Variants in SAMD3 observed in about 807,000 individuals in gnomAD.
The protein encoded by SAMD3 is sterile alpha motif domain containing 3.
Under a neutral mutation model 58.5 loss-of-function variants are expected in SAMD3, and 63 were observed. The observed-to-expected ratio is 1.08, with a 90% confidence interval of 0.88 to 1.33. SAMD3 has a LOEUF of 1.33. SAMD3 is among the 40% of genes most tolerant of loss of function. The pLI, the probability that SAMD3 is intolerant of heterozygous loss-of-function variation, is 0.00. For missense variants in SAMD3, 604 were observed against 608.4 expected, an observed-to-expected ratio of 0.99 and a Z score of 0.08; for synonymous variants, 220 against 210.3, an observed-to-expected ratio of 1.05 and a Z score of -0.40.
Position 130,145,389 on chromosome 6 carries a change from G to T in SAMD3, c.1229C>A (p.Pro410Gln), listed in dbSNP as rs1204644071. 1.2e-6 allele frequency: 2 copies of T among 1,611,496 alleles called. No individual in the cohort carries two copies. Among genetic ancestry groups the T allele is most frequent in the South Asian group, 2.2e-5 (2 of 90,742 alleles). Residue 410 changes from proline (P) to glutamine (Q), a missense_variant, in exon 11 of 12, where the codon CCA becomes CAA. Coordinates refer to ENST00000439090, the MANE Select transcript of SAMD3 (RefSeq NM_001017373.4). ...GCTGGGATCATCCCCAAAAACATCT[G>T]GGAGGAGTAAACATGTGGCTGTCAT... ...MKMTATCLLL[P>Q]DVFGDDPSLF...
intron 1 of SAMD3, among the ~76,000 whole-genome samples, chr6:130,336,057 T>C (rs2115017950): frequency 6.6e-6 from 1 of 152,228 alleles, no homozygotes; most frequent in Non-Finnish European, 1.5e-5. Flanking sequence ...GAGATATACC[T>C]AAAGCTAAAT....
chr6:130,183,536 G>A (rs1222190234), intron 7 of SAMD3: 1 of 391,956 alleles, frequency 2.6e-6, no homozygotes, highest in Non-Finnish European at 4.9e-6. Flanking sequence ...GTGCAGCCAT[G>A]TCTTTCTCTT....
chr6:130,215,465 ACACT>A lies in SAMD3; in HGVS notation c.-21-175_-21-172del. 5.3e-6 allele frequency: 7 copies of A among 1,319,046 alleles called. No individual in the cohort carries two copies. The South Asian group carries it at 1.7e-4, about 32-fold the overall frequency. 81.7% of individuals were successfully genotyped at this position (1,319,046 alleles called of 1,614,324 possible). A position where few individuals can be genotyped will look rare whatever the true frequency, so the allele number is the denominator to read the frequency against. On this transcript the variant is annotated intron_variant, in intron 2 of 11. Coordinates refer to ENST00000439090, the MANE Select transcript of SAMD3 (RefSeq NM_001017373.4). Reference sequence around the variant, plus strand: ...CATTTAAAAATTGCTAACAAAACACACACTCACTTTAAAAATAAGACCTGATTTA... The same window carrying A: ...CATTTAAAAATTGCTAACAAAACACACACTTTAAAAATAAGACCTGATTTA...
At chr6:130,227,519 G>A (rs142110376), upstream of SAMD3, among the ~76,000 whole-genome samples, 4,025 of 152,234 alleles carry the variant, frequency 0.026, 71 homozygotes, top group Non-Finnish European at 0.039. Context: ...CAGGCACGGT[G>A]GCTCATGCCT....
intron 1 of SAMD3, among the ~76,000 whole-genome samples, chr6:130,344,783 G>C (rs971685539): frequency 5.4e-5 from 8 of 147,504 alleles, no homozygotes; most frequent in African/African-American, 2.0e-4. Context: ...GGAGGAGAGG[G>C]GGTAGAAGTG....
chr6:130,346,428 T>G (rs1289825903), intron 1 of SAMD3, among the ~76,000 whole-genome samples: 2 of 152,234 alleles, frequency 1.3e-5, no homozygotes, highest in African/African-American at 4.8e-5. Flanking sequence ...GATTATATCC[T>G]GTGCCTGGCT....
At chr6:130,270,990 T>TG (rs1222057945) in intron 2 of SAMD3, among the ~76,000 whole-genome samples, 1 of 101,754 alleles carries the variant, frequency 9.8e-6, no homozygotes, top group African/African-American at 9.4e-5. Context: ...CCAATCTTGT[T>TG]TTTTTTGTTT....
chr6:130,155,915 T>C (rs191047124), intron 8 of SAMD3, among the ~76,000 whole-genome samples: 2 of 152,250 alleles, frequency 1.3e-5, no homozygotes, highest in Admixed American at 1.3e-4. Context: ...CCTATAATCT[T>C]ATACAAATTT....
At chr6:130,219,670 C>A (rs952976939) in intron 1 of SAMD3, among the ~76,000 whole-genome samples, 1 of 152,088 alleles carries the variant, frequency 6.6e-6, no homozygotes, top group Non-Finnish European at 1.5e-5. Context: ...TAATTCATTC[C>A]TTTTTATGGT....
chr6:130,189,556 G>A (rs143614007), intron 5 of SAMD3, among the ~76,000 whole-genome samples: 9 of 152,144 alleles, frequency 5.9e-5, no homozygotes, highest in East Asian at 5.8e-4. Context: ...GCTTAACATC[G>A]TGATGTCTTT....
chr6:130,162,034 T>C, intron 8 of SAMD3: 1 of 453,960 alleles, frequency 2.2e-6, no homozygotes. Flanking sequence ...TGAAGGGAAG[T>C]GTAGGACTCA....
At position 130,315,324 on chromosome 6, in the gene SAMD3, G is replaced by A. The variant is rs1776325250; in HGVS notation, c.-303-2231C>T. 2.0e-5 allele frequency among the ~76,000 whole-genome samples: 3 copies of A among 152,256 alleles called. No homozygotes were observed. In the South Asian group the frequency reaches 6.2e-4, roughly 32 times the overall value. On this transcript the variant is annotated intron_variant, in intron 1 of 13. Transcript: ENST00000368134. ...TAGAGTGTCAATGAAAACTTGGAAT[G>A]GAAGAGTTATATATGGGAATAATTT... is the stretch of plus-strand genomic sequence containing the variant.
At chr6:130,169,631 G>A (rs1409960135) in intron 8 of SAMD3, among the ~76,000 whole-genome samples, 1 of 152,128 alleles carries the variant, frequency 6.6e-6, no homozygotes, top group Non-Finnish European at 1.5e-5. Flanking sequence ...AAAGGGCCCT[G>A]GATTGACCAT....
At chr6:130,273,800 G>A (rs73609996) in intron 2 of SAMD3, among the ~76,000 whole-genome samples, 2,032 of 151,866 alleles carry the variant, frequency 0.013, 41 homozygotes, top group African/African-American at 0.046. Flanking sequence ...TTTACTCCCC[G>A]CTACACAATT....
intron 1 of SAMD3, among the ~76,000 whole-genome samples, chr6:130,351,927 G>A (rs893015449): frequency 2.6e-5 from 4 of 152,070 alleles, no homozygotes; most frequent in African/African-American, 4.8e-5. Flanking sequence ...CATGAATGAA[G>A]CTGGAAACCA....
At chr6:130,199,351 C>G (rs935313273) in intron 5 of SAMD3, among the ~76,000 whole-genome samples, 1 of 152,188 alleles carries the variant, frequency 6.6e-6, no homozygotes, top group Non-Finnish European at 1.5e-5. Context: ...TTGGGATACC[C>G]AGGTTTATAT....
At chr6:130,199,689 A>G (rs920160477) in intron 5 of SAMD3, among the ~76,000 whole-genome samples, 2 of 152,218 alleles carry the variant, frequency 1.3e-5, no homozygotes, top group Non-Finnish European at 2.9e-5. Context: ...ACACGTGCCA[A>G]TGAACAAGGT....
At chr6:130,168,090 A>G (rs192911113) in intron 8 of SAMD3, among the ~76,000 whole-genome samples, 18 of 152,338 alleles carry the variant, frequency 1.2e-4, no homozygotes, top group Admixed American at 1.2e-3. Context: ...GACCTGCAGA[A>G]GTTCTGCAGC....
At chr6:130,274,656 T>A (rs572784037) in intron 2 of SAMD3, among the ~76,000 whole-genome samples, 1 of 152,232 alleles carries the variant, frequency 6.6e-6, no homozygotes, top group East Asian at 1.9e-4. Flanking sequence ...CTCTTTCCCA[T>A]TTTGAAGGGA....
Sources: allele counts gnomAD v4.1 joint callset (sites outside exome capture counted in the v4.1 genomes callset), GRCh38; gene constraint gnomAD v4.1.1; transcripts MANE v1.5; gene names NCBI Gene and HGNC (gene_info 2026-07-23, HGNC 2026-07-21).